Variants in RFTN2 observed in about 807,000 individuals in gnomAD.
RFTN2 encodes the protein raftlin family member 2.
A neutral mutation model predicts 52.7 loss-of-function variants in RFTN2; 34 were observed. The ratio of observed to expected loss-of-function variants is 0.64; its 90% confidence interval spans 0.49 to 0.86. The LOEUF is 0.86. RFTN2 is among the 40% of genes least tolerant of loss of function. The pLI, the probability that RFTN2 is intolerant of heterozygous loss-of-function variation, is 0.00. For synonymous variants in RFTN2, 203 were observed against 217.7 expected, an observed-to-expected ratio of 0.93 and a Z score of 0.59; for missense variants, 536 against 600.1, an observed-to-expected ratio of 0.89 and a Z score of 1.12.
intron 7 of RFTN2, among the ~76,000 whole-genome samples, chr2:197,611,456 A>AT (rs1409055670): frequency 6.6e-6 from 1 of 152,018 alleles, no homozygotes; most frequent in Non-Finnish European, 1.5e-5. Context: ...ATCGGTAGTG[A>AT]TATCCCCTTT....
chr2:197,640,219 C>G (rs77499117), intron 3 of RFTN2, among the ~76,000 whole-genome samples: 28,746 of 151,802 alleles, frequency 0.19, 2,779 homozygotes, highest in Middle Eastern at 0.27. Flanking sequence ...AGAGGTGGAG[C>G]CTACAGAGGC....
At chr2:197,589,545 T>G (rs994041392) in intron 8 of RFTN2, among the ~76,000 whole-genome samples, 1 of 152,222 alleles carries the variant, frequency 6.6e-6, no homozygotes, top group African/African-American at 2.4e-5. Context: ...GTATTTTTTA[T>G]TTTAACCATT....
chr2:197,604,102 C>T (rs1376370001), intron 7 of RFTN2, among the ~76,000 whole-genome samples: 3 of 152,112 alleles, frequency 2.0e-5, no homozygotes, highest in African/African-American at 4.8e-5. Flanking sequence ...TACATACTCT[C>T]GATCAAAATG....
chr2:197,659,161 T>A (rs933517828), intron 1 of RFTN2, among the ~76,000 whole-genome samples: 5 of 152,164 alleles, frequency 3.3e-5, no homozygotes, highest in African/African-American at 4.8e-5. Context: ...ATATGTTCTT[T>A]CCACCAATTT....
intron 1 of RFTN2, among the ~76,000 whole-genome samples, chr2:197,668,716 A>G (rs956562347): frequency 3.9e-5 from 6 of 152,040 alleles, no homozygotes; most frequent in Admixed American, 3.9e-4. Context: ...TACTTGGTCT[A>G]TTAGGGATGG....
At chr2:197,594,130 C>T (rs1307242050) in intron 8 of RFTN2, among the ~76,000 whole-genome samples, 1 of 149,872 alleles carries the variant, frequency 6.7e-6, no homozygotes, top group Admixed American at 6.7e-5. Flanking sequence ...ATTCTCCTGC[C>T]TCAGGCTCCC....
intron 3 of RFTN2, among the ~76,000 whole-genome samples, chr2:197,639,741 G>A (rs1452764448): frequency 1.4e-5 from 2 of 140,596 alleles, no homozygotes; most frequent in Non-Finnish European, 3.1e-5. Context: ...CTCTCAGCTC[G>A]TCAAAGTCAT....
intron 8 of RFTN2, among the ~76,000 whole-genome samples, chr2:197,576,834 G>A (rs1266899302): frequency 1.3e-5 from 2 of 152,120 alleles, no homozygotes; most frequent in Non-Finnish European, 1.5e-5. Flanking sequence ...CCAAGTTACC[G>A]GAGTTGAGCA....
intron 1 of RFTN2, among the ~76,000 whole-genome samples, chr2:197,671,097 G>A (rs1183697611): frequency 6.6e-6 from 1 of 152,088 alleles, no homozygotes; most frequent in African/African-American, 2.4e-5. Flanking sequence ...ACACTCTTCT[G>A]CATCTATCAA....
chr2:197,652,157 T>C (rs1449959633), intron 1 of RFTN2, among the ~76,000 whole-genome samples: 1 of 152,184 alleles, frequency 6.6e-6, no homozygotes, highest in Non-Finnish European at 1.5e-5. Flanking sequence ...TGATTGTTTT[T>C]CCATGTGGCA....
intron 3 of RFTN2, among the ~76,000 whole-genome samples, chr2:197,636,231 TG>T (rs1232425416): frequency 6.7e-6 from 1 of 150,372 alleles, no homozygotes; most frequent in Admixed American, 6.7e-5. Context: ...GGCTCTTTTT[TG>T]GTTCCATATG....
intron 8 of RFTN2, among the ~76,000 whole-genome samples, chr2:197,587,073 T>A (rs2087611432): frequency 6.6e-6 from 1 of 152,144 alleles, no homozygotes; most frequent in African/African-American, 2.4e-5. Context: ...CCTTGTATCT[T>A]CCGTTTAGTT....
chr2:197,582,946 C>G (rs1419428326), intron 8 of RFTN2, among the ~76,000 whole-genome samples: 20 of 152,188 alleles, frequency 1.3e-4, no homozygotes, highest in Admixed American at 1.3e-3. Context: ...TCACTCCCAC[C>G]TACTCCCCCA....
At chr2:197,638,849 T>G (rs1244006456) in intron 3 of RFTN2, among the ~76,000 whole-genome samples, 84 of 149,838 alleles carry the variant, frequency 5.6e-4, no homozygotes, top group African/African-American at 2.0e-3. Flanking sequence ...GGTCTTTACA[T>G]TTTGGCATGA....
In RFTN2 at chr2:197,571,006, A is replaced by G. The variant is rs184329557; in HGVS notation, c.*1002T>C. 1.3e-5 allele frequency: 2 copies of G among 152,466 alleles called. No homozygotes were observed. Among genetic ancestry groups the G allele is most frequent in the East Asian group, 3.8e-4 (2 of 5,322 alleles). The allele number at this position is 152,466 out of a possible 1,614,324, so 9.4% of individuals were successfully genotyped here. ...GATTGTTAAAGGCTGGGTCAAGGCA[A>G]AGCCACCTCTATTAGAAGGGGAAAG... On this transcript the variant is annotated 3_prime_UTR_variant, in exon 9 of 9. Coordinates refer to ENST00000295049, the MANE Select transcript of RFTN2 (RefSeq NM_144629.3).
At chr2:197,659,826 A>C (rs1382609174) in intron 1 of RFTN2, among the ~76,000 whole-genome samples, 2 of 152,234 alleles carry the variant, frequency 1.3e-5, no homozygotes, top group African/African-American at 2.4e-5. Context: ...CTCAAAAAAA[A>C]AAATGCTATG....
At chr2:197,609,628 T>C (rs1199676737) in intron 7 of RFTN2, among the ~76,000 whole-genome samples, 2 of 152,250 alleles carry the variant, frequency 1.3e-5, no homozygotes, top group African/African-American at 4.8e-5. Context: ...CAGAAGCACT[T>C]TAGTTTAATT....
chr2:197,589,307 T>C (rs1384810031), intron 8 of RFTN2, among the ~76,000 whole-genome samples: 1 of 147,806 alleles, frequency 6.8e-6, no homozygotes, highest in East Asian at 2.0e-4. Context: ...CCACGTAAGA[T>C]GTGACTTGCT....
chr2:197,629,141 T>C (rs576936461), intron 5 of RFTN2, among the ~76,000 whole-genome samples: 1 of 152,326 alleles, frequency 6.6e-6, no homozygotes, highest in South Asian at 2.1e-4. Flanking sequence ...AAGACACACG[T>C]ACACGTATGT....
Sources: allele counts gnomAD v4.1 joint callset (sites outside exome capture counted in the v4.1 genomes callset), GRCh38; gene constraint gnomAD v4.1.1; transcripts MANE v1.5; gene names NCBI Gene and HGNC (gene_info 2026-07-23, HGNC 2026-07-21).